Variants in CHID1 observed in about 807,000 individuals in gnomAD.
CHID1 encodes the protein chitinase domain containing 1.
In CHID1, 44 loss-of-function variants were observed where a neutral mutation model predicts 55.4. That is an observed-to-expected ratio of 0.79 (90% CI 0.62 to 1.02). The LOEUF is 1.02. Ranked by LOEUF, CHID1 falls within the 50% of genes least tolerant of loss-of-function variation. The pLI, the probability that CHID1 is intolerant of heterozygous loss-of-function variation, is 0.00. For missense variants in CHID1, 491 were observed against 515.3 expected, an observed-to-expected ratio of 0.95 and a Z score of 0.46; for synonymous variants, 216 against 212.9, an observed-to-expected ratio of 1.01 and a Z score of -0.13.
Position 883,207 on chromosome 11 carries a change from G to T in CHID1, c.900C>A (p.Asn300Lys). 1.2e-6 allele frequency: 2 copies of T among 1,614,210 alleles called. No homozygotes were observed. Among genetic ancestry groups the T allele is most frequent in the Non-Finnish European group, 1.7e-6 (2 of 1,180,022 alleles). Reference sequence around the variant, plus strand: ...AGGTCGCGTAGTCCATACCATAGAAGTTGAGCCCCAGGAGGATTTTGCTTC... The same window carrying T: ...AGGTCGCGTAGTCCATACCATAGAATTTGAGCCCCAGGAGGATTTTGCTTC... The part of the protein sequence containing the change: ...KWRSKILLGL[N>K]FYGMDYATSK... The change falls in exon 10 of 13, where the codon AAC becomes AAA. Residue 300 changes from asparagine to lysine, a missense_variant. By Grantham distance (94) the Asn-to-Lys change is moderately conservative. Transcript: ENST00000323578.
chr11:869,786 G>GT lies in CHID1; in HGVS notation c.*71dup, dbSNP rs1849037727. The GT allele has an allele frequency of 4.4e-6, 6 of 1,366,488 alleles. No homozygotes were observed. The highest frequency in any genetic ancestry group is 6.3e-6 in the Non-Finnish European group (6 of 956,852). 84.6% of individuals were successfully genotyped at this position (1,366,488 alleles called of 1,614,324 possible). On this transcript the variant is annotated 3_prime_UTR_variant, in exon 13 of 13. Transcript: ENST00000323578. ...GTCACAGCAAACGGAGTGGAGGCCT[G>GT]TATTTCACACCTGCTCACTCACTCC...
intron 8 of CHID1, among the ~76,000 whole-genome samples, chr11:888,174 G>A (rs1182722990): frequency 1.3e-5 from 2 of 152,240 alleles, no homozygotes; most frequent in East Asian, 1.9e-4. Context: ...CACCAACCAC[G>A]GCCGCAGGCT....
chr11:910,556 C>T, intron 1 of CHID1: 1 of 1,106,904 alleles, frequency 9.0e-7, no homozygotes, highest in Non-Finnish European at 1.1e-6. Context: ...CTCTCGCTCA[C>T]CCTCGCTCTC....
At position 879,733 on chromosome 11, in the gene CHID1, C is replaced by T. The variant is rs903986427; in HGVS notation, c.959+3415G>A. Among the ~76,000 whole-genome samples the T allele has an allele frequency of 1.6e-4, 24 of 152,366 alleles. No individual in the cohort carries two copies. The East Asian group carries it at 1.7e-3, about 11-fold the overall frequency. On this transcript the variant is annotated intron_variant, in intron 10 of 12. Transcript: ENST00000323578. ...AACACCTGTCTCCCTTTCAAAAGCC[C>T]AACCAGAATTGAGGCTTCCCTGAAG...
At chr11:890,710 G>C (rs1469222692) in intron 8 of CHID1, among the ~76,000 whole-genome samples, 1 of 152,202 alleles carries the variant, frequency 6.6e-6, no homozygotes. Context: ...GGCCTGTGGG[G>C]TTTACGCTGT....
In CHID1 at chr11:878,449, C is replaced by T. The variant is rs553253352; in HGVS notation, c.959+4699G>A. 2.2e-4 allele frequency among the ~76,000 whole-genome samples: 33 copies of T among 151,844 alleles called. No individual in the cohort carries two copies. In the South Asian group the frequency reaches 5.6e-3, roughly 26 times the overall value. ...ACCGTGGTGGCACATGCCTGTAATT[C>T]GAGCTACTCGGGAGGCTGAGGCAGA... On this transcript the variant is annotated intron_variant, in intron 10 of 12. Transcript: ENST00000323578.
chr11:899,425 G>A, intron 6 of CHID1, 24 bp from the exon 7 acceptor site: 1 of 1,579,780 alleles, frequency 6.3e-7, no homozygotes, highest in Non-Finnish European at 8.6e-7. Flanking sequence ...TCACAGGTGA[G>A]GAGGGCCTGG....
chr11:873,980 GGA>G (rs145605174), intron 10 of CHID1, among the ~76,000 whole-genome samples: 2,231 of 152,056 alleles, frequency 0.015, 59 homozygotes, highest in African/African-American at 0.05. Context: ...GCGTTTCTAG[GGA>G]GAAAGCAGAT....
chr11:878,656 C>A (rs963480118), intron 10 of CHID1, among the ~76,000 whole-genome samples: 1 of 152,174 alleles, frequency 6.6e-6, no homozygotes, highest in Non-Finnish European at 1.5e-5. Context: ...GTCTTAATCC[C>A]CAGTGCCTCA....
At chr11:910,373 G>C (rs2134393500) in intron 1 of CHID1, among the ~76,000 whole-genome samples, 1 of 152,178 alleles carries the variant, frequency 6.6e-6, no homozygotes, top group East Asian at 1.9e-4. Context: ...TGCCACACGA[G>C]CCGCGCGCTC....
chr11:906,037 G>A (rs1437281574), intron 1 of CHID1, among the ~76,000 whole-genome samples: 1 of 152,130 alleles, frequency 6.6e-6, no homozygotes, highest in Non-Finnish European at 1.5e-5. Flanking sequence ...GTCCCGGCTG[G>A]GAACGGTGGC....
chr11:892,060 AGAT>A (rs1850874405), intron 8 of CHID1, among the ~76,000 whole-genome samples: 1 of 151,924 alleles, frequency 6.6e-6, no homozygotes, highest in Non-Finnish European at 1.5e-5. Flanking sequence ...GGTTGCAGTG[AGAT>A]AAGATTGCAC....
chr11:871,924 C>T (rs1419620403), intron 10 of CHID1, among the ~76,000 whole-genome samples: 3 of 152,172 alleles, frequency 2.0e-5, no homozygotes, highest in Non-Finnish European at 4.4e-5. Context: ...GGGCAGAGTC[C>T]CCTTGACACT....
intron 8 of CHID1, among the ~76,000 whole-genome samples, chr11:891,412 T>C (rs1850809412): frequency 6.6e-6 from 1 of 152,124 alleles, no homozygotes; most frequent in Non-Finnish European, 1.5e-5. Context: ...TGAGCTTTGG[T>C]TGCTGTGGGG....
At chr11:879,037 G>A (rs956874520) in intron 10 of CHID1, among the ~76,000 whole-genome samples, 3 of 152,216 alleles carry the variant, frequency 2.0e-5, no homozygotes, top group South Asian at 2.1e-4. Flanking sequence ...TAGTAAAGAC[G>A]GGGTTTCACC....
At chr11:910,695 GC>G in intron 1 of CHID1, 79 bp downstream of exon 1, 1 of 1,260,906 alleles carries the variant, frequency 7.9e-7, no homozygotes, top group Non-Finnish European at 1.0e-6. Context: ...GAGCCTCGCT[GC>G]CCGGCGCGCC....
At chr11:902,695 G>A (rs569374413) in intron 3 of CHID1, among the ~76,000 whole-genome samples, 1 of 151,996 alleles carries the variant, frequency 6.6e-6, no homozygotes, top group African/African-American at 2.4e-5. Flanking sequence ...TCCACTTCCT[G>A]ACCCCAGACG....
intron 10 of CHID1, among the ~76,000 whole-genome samples, chr11:877,679 T>C (rs935489480): frequency 1.3e-4 from 20 of 152,104 alleles, no homozygotes; most frequent in Non-Finnish European, 1.3e-4. Context: ...GTCTTGAATG[T>C]TCTCTGCAAA....
At position 869,700 on chromosome 11, in the gene CHID1, C is replaced by G; in HGVS notation, c.*158G>C. On this transcript the variant is annotated 3_prime_UTR_variant, in exon 13 of 13. Transcript: ENST00000323578. ...GGACTCATCCAGGGCAGGGACCCCT[C>G]ATGGGAGGATGGGGAGTCACATGGT... 1.5e-6 allele frequency: 1 copy of G among 675,108 alleles called. No homozygotes were observed. Among genetic ancestry groups the G allele is most frequent in the East Asian group, 2.7e-5 (1 of 37,008 alleles). The allele number at this position is 675,108 out of a possible 1,614,324, so 41.8% of individuals were successfully genotyped here.
Sources: allele counts gnomAD v4.1 joint callset (sites outside exome capture counted in the v4.1 genomes callset), GRCh38; gene constraint gnomAD v4.1.1; transcripts MANE v1.5; gene names NCBI Gene and HGNC (gene_info 2026-07-23, HGNC 2026-07-21).